The following CCSER1 variants were observed in gnomAD, a reference collection of about 807,000 sequenced individuals.
CCSER1 encodes the protein serine-rich coiled-coil domain-containing protein 1.
CCSER1 carries 41 observed loss-of-function variants against 82.0 expected under a neutral mutation model. The observed-to-expected ratio is 0.50, with a 90% CI of 0.39 to 0.65. CCSER1 has a LOEUF of 0.65. Ranked by LOEUF, CCSER1 falls within the 30% of genes least tolerant of loss-of-function variation. The pLI is 0.00. For missense variants in CCSER1, 1,119 were observed against 1,064.2 expected (o/e 1.05, Z -0.72); for synonymous variants, 414 against 383.9 (o/e 1.08, Z -0.92).
At chr4:90,682,478 T>C (rs1021815508) in intron 6 of CCSER1, among the ~76,000 whole-genome samples, 1 of 152,030 alleles carries the variant, frequency 6.6e-6, no homozygotes, top group Admixed American at 6.6e-5. Context: ...TTAGTTAAGT[T>C]CAGGTGGATT....
chr4:90,606,972 A>G (rs555670728), intron 5 of CCSER1, among the ~76,000 whole-genome samples: 13 of 152,338 alleles, frequency 8.5e-5, no homozygotes, highest in African/African-American at 2.6e-4. Flanking sequence ...TATTTTCATA[A>G]GTTCCCTATT....
chr4:90,384,697 A>G (rs1749744359), intron 3 of CCSER1, among the ~76,000 whole-genome samples: 1 of 152,116 alleles, frequency 6.6e-6, no homozygotes, highest in African/African-American at 2.4e-5. Flanking sequence ...AGGCTTCTCT[A>G]TGCCCCACTA....
At chr4:91,367,439 T>TG (rs1313094098) in intron 10 of CCSER1, among the ~76,000 whole-genome samples, 1 of 149,854 alleles carries the variant, frequency 6.7e-6, no homozygotes. Flanking sequence ...TCTTTCTTTT[T>TG]TTTTTTTTTA....
At chr4:90,499,703 G>A (rs937953585) in intron 5 of CCSER1, among the ~76,000 whole-genome samples, 1 of 152,194 alleles carries the variant, frequency 6.6e-6, no homozygotes, top group East Asian at 1.9e-4. Context: ...AGGAGCAGAA[G>A]AATTTTTGTC....
intron 7 of CCSER1, among the ~76,000 whole-genome samples, chr4:90,786,111 A>G (rs1289090144): frequency 6.6e-6 from 1 of 152,198 alleles, no homozygotes; most frequent in Non-Finnish European, 1.5e-5. Context: ...TACTTTCTCA[A>G]GGGCTTTCAT....
chr4:91,082,207 C>T (rs1291697304), intron 9 of CCSER1, among the ~76,000 whole-genome samples: 1 of 152,070 alleles, frequency 6.6e-6, no homozygotes, highest in Admixed American at 6.5e-5. Context: ...GTACTGGTAC[C>T]AAAACAGAGA....
At chr4:90,286,017 TG>T (rs1057289361) in intron 1 of CCSER1, among the ~76,000 whole-genome samples, 9 of 152,048 alleles carry the variant, frequency 5.9e-5, no homozygotes, top group Admixed American at 5.9e-4. Flanking sequence ...CTATTTAATG[TG>T]TTCTGAAATT....
intron 10 of CCSER1, among the ~76,000 whole-genome samples, chr4:91,568,237 T>C (rs1294483627): frequency 6.6e-6 from 1 of 152,162 alleles, no homozygotes; most frequent in Non-Finnish European, 1.5e-5. Context: ...TGGAATTTCT[T>C]TTGTAGGTGA....
intron 10 of CCSER1, among the ~76,000 whole-genome samples, chr4:91,131,755 C>T (rs1314705137): frequency 6.6e-6 from 1 of 152,024 alleles, no homozygotes; most frequent in Non-Finnish European, 1.5e-5. Flanking sequence ...GATGAAGAAT[C>T]TATCAATACT....
intron 10 of CCSER1, among the ~76,000 whole-genome samples, chr4:91,136,525 C>A (rs1330604693): frequency 6.6e-6 from 1 of 152,142 alleles, no homozygotes; most frequent in African/African-American, 2.4e-5. Context: ...TAAAGTCTTT[C>A]TTTTCAATAC....
rs1354274898 is a variant in CCSER1, at chr4:91,600,000, T to C, written c.*943T>C. 1.3e-5 allele frequency: 2 copies of C among 152,162 alleles called. No individual in the cohort carries two copies. Among genetic ancestry groups the C allele is most frequent in the African/African-American group, 4.8e-5 (2 of 41,452 alleles). 9.4% of individuals were successfully genotyped at this position (152,162 alleles called of 1,614,324 possible). On this transcript the variant is annotated 3_prime_UTR_variant, in exon 11 of 11. Coordinates refer to ENST00000509176, the MANE Select transcript of CCSER1 (RefSeq NM_001145065.2). ...TTTATGTAAATCCAATTTTGGTTTATATACATCAACCCATATCTATAATTT... is the reference window on the plus strand; with the variant it reads ...TTTATGTAAATCCAATTTTGGTTTACATACATCAACCCATATCTATAATTT...
At chr4:90,788,997 A>G (rs867343116) in intron 7 of CCSER1, among the ~76,000 whole-genome samples, 6 of 114,446 alleles carry the variant, frequency 5.2e-5, no homozygotes, top group South Asian at 2.7e-4. Flanking sequence ...AAGCTTTTCT[A>G]TCTAACACAT....
At chr4:91,470,275 T>C (rs1426712486) in intron 10 of CCSER1, among the ~76,000 whole-genome samples, 3 of 152,176 alleles carry the variant, frequency 2.0e-5, no homozygotes, top group Non-Finnish European at 2.9e-5. Context: ...ACATTTAAAG[T>C]TTCAAATATG....
At chr4:90,943,564 A>G (rs916846760) in intron 9 of CCSER1, among the ~76,000 whole-genome samples, 5 of 151,878 alleles carry the variant, frequency 3.3e-5, no homozygotes, top group Non-Finnish European at 5.9e-5. Flanking sequence ...GGAGGCGGAG[A>G]CAGAAAGAGA....
At chr4:91,093,978 C>T (rs1391441618) in intron 10 of CCSER1, among the ~76,000 whole-genome samples, 1 of 152,224 alleles carries the variant, frequency 6.6e-6, no homozygotes, top group Non-Finnish European at 1.5e-5. Context: ...TGCTTTCTTT[C>T]TGACCCCAGG....
chr4:91,375,557 A>T (rs1255730742), intron 10 of CCSER1, among the ~76,000 whole-genome samples: 1 of 151,228 alleles, frequency 6.6e-6, no homozygotes, highest in Non-Finnish European at 1.5e-5. Context: ...AGCCACTTAA[A>T]CTCCCTTTAA....
chr4:90,701,057 C>G (rs60802859), intron 6 of CCSER1, among the ~76,000 whole-genome samples: 9,241 of 152,118 alleles, frequency 0.061, 690 homozygotes, highest in African/African-American at 0.18. Flanking sequence ...AAGTCCTTGC[C>G]CATGCCTATG....
At chr4:91,516,109 T>C (rs933182900) in intron 10 of CCSER1, among the ~76,000 whole-genome samples, 2 of 152,090 alleles carry the variant, frequency 1.3e-5, no homozygotes, top group Admixed American at 1.3e-4. Flanking sequence ...CTGGCTATTA[T>C]ATGTAGTTAG....
chr4:90,384,092 T>G (rs1276149019), intron 3 of CCSER1, among the ~76,000 whole-genome samples: 1 of 151,878 alleles, frequency 6.6e-6, no homozygotes, highest in African/African-American at 2.4e-5. Flanking sequence ...CCTCGTTTTT[T>G]TTGTTGTTGT....
Sources: allele counts gnomAD v4.1 joint callset (sites outside exome capture counted in the v4.1 genomes callset), GRCh38; gene constraint gnomAD v4.1.1; transcripts MANE v1.5; gene names NCBI Gene and HGNC (gene_info 2026-07-23, HGNC 2026-07-21).